The following IPCEF1 variants were observed in gnomAD, a reference collection of about 807,000 sequenced individuals.
The protein encoded by IPCEF1 is interactor protein for cytohesin exchange factors 1.
Under a neutral mutation model 50.9 loss-of-function variants are expected in IPCEF1, and 31 were observed. The observed-to-expected ratio is 0.61, with a 90% CI of 0.46 to 0.82. IPCEF1 has a LOEUF of 0.82. Among genes scored for constraint, IPCEF1 ranks in the 40% least tolerant of loss-of-function variants. The pLI is 0.00. For synonymous variants in IPCEF1, 181 were observed against 192.0 expected, an observed-to-expected ratio of 0.94 and a Z score of 0.47; for missense variants, 458 against 514.0, an observed-to-expected ratio of 0.89 and a Z score of 1.05.
intron 2 of IPCEF1, among the ~76,000 whole-genome samples, chr6:154,273,730 T>TTTC (rs1562575024): frequency 1.7e-4 from 7 of 42,274 alleles, no homozygotes; most frequent in African/African-American, 7.6e-4. Flanking sequence ...CTTTCTTTTT[T>TTTC]TTTTTTTTTT....
intron 1 of IPCEF1, among the ~76,000 whole-genome samples, chr6:154,300,972 T>C (rs1456964218): frequency 6.6e-6 from 1 of 152,196 alleles, no homozygotes; most frequent in Non-Finnish European, 1.5e-5. Context: ...TAGACTTAGC[T>C]CCACATTTAA....
intron 7 of IPCEF1, among the ~76,000 whole-genome samples, chr6:154,214,679 AT>A (rs1321994871): frequency 1.3e-5 from 2 of 152,218 alleles, no homozygotes; most frequent in African/African-American, 4.8e-5. Flanking sequence ...ATGTCAGTTT[AT>A]TTTAGAAAAA....
At chr6:154,321,597 G>A (rs1783377000) in intron 1 of IPCEF1, among the ~76,000 whole-genome samples, 1 of 151,786 alleles carries the variant, frequency 6.6e-6, no homozygotes, top group Non-Finnish European at 1.5e-5. Context: ...GGCCAAAATG[G>A]TGAAACCCCA....
intron 1 of IPCEF1, among the ~76,000 whole-genome samples, chr6:154,309,932 T>A (rs1027823171): frequency 2.6e-5 from 4 of 151,998 alleles, no homozygotes; most frequent in African/African-American, 9.7e-5. Flanking sequence ...CCTGGCTAAT[T>A]TTTGTATTTT....
At chr6:154,199,187 C>T (rs1365709761) in intron 10 of IPCEF1, among the ~76,000 whole-genome samples, 1 of 152,146 alleles carries the variant, frequency 6.6e-6, no homozygotes, top group East Asian at 1.9e-4. Flanking sequence ...TGTCTGTCTT[C>T]CCATCAACCA....
At chr6:154,206,076 T>A (rs1777469956) in intron 9 of IPCEF1, among the ~76,000 whole-genome samples, 1 of 152,160 alleles carries the variant, frequency 6.6e-6, no homozygotes, top group Non-Finnish European at 1.5e-5. Flanking sequence ...CACCCCCATA[T>A]TGGTAACAGT....
At chr6:154,329,214 C>T (rs551236861) in intron 1 of IPCEF1, among the ~76,000 whole-genome samples, 1 of 151,992 alleles carries the variant, frequency 6.6e-6, no homozygotes, top group Non-Finnish European at 1.5e-5. Context: ...GAGTTTGAAA[C>T]CTGCTTGGGC....
chr6:154,251,351 A>G (rs1477871862), intron 3 of IPCEF1, among the ~76,000 whole-genome samples: 17 of 152,196 alleles, frequency 1.1e-4, no homozygotes, highest in Admixed American at 1.1e-3. Context: ...GGAGCTCAAA[A>G]CTGGCCTGGA....
intron 1 of IPCEF1, among the ~76,000 whole-genome samples, chr6:154,347,193 A>G (rs1784046969): frequency 6.6e-6 from 1 of 152,240 alleles, no homozygotes; most frequent in Admixed American, 6.5e-5. Flanking sequence ...AAGCAACCTT[A>G]TCCAAAAATA....
chr6:154,206,228 T>C (rs1275736302), intron 9 of IPCEF1, among the ~76,000 whole-genome samples: 1 of 152,254 alleles, frequency 6.6e-6, no homozygotes, highest in Admixed American at 6.5e-5. Context: ...GATAGCTATG[T>C]GTATTTCTCT....
chr6:154,296,379 G>A (rs542243618), intron 1 of IPCEF1, among the ~76,000 whole-genome samples: 7 of 152,076 alleles, frequency 4.6e-5, no homozygotes, highest in East Asian at 1.9e-4. Context: ...AGAGGCCAGC[G>A]CCACATCTTT....
chr6:154,243,093 C>A (rs755572386), intron 5 of IPCEF1, among the ~76,000 whole-genome samples: 1 of 152,038 alleles, frequency 6.6e-6, no homozygotes, highest in African/African-American at 2.4e-5. Context: ...ACAGCATATG[C>A]GAAGGCTTAG....
chr6:154,174,075 C>T (rs1482214639), intron 10 of IPCEF1, among the ~76,000 whole-genome samples: 1 of 152,114 alleles, frequency 6.6e-6, no homozygotes, highest in Non-Finnish European at 1.5e-5. Flanking sequence ...CCAAACTAAG[C>T]TTCATAAGTG....
At position 154,225,835 on chromosome 6, in the gene IPCEF1, A is replaced by G. The variant is rs1445936391; in HGVS notation, c.247-2592T>C. Among the ~76,000 whole-genome samples the G allele has an allele frequency of 1.4e-4, 22 of 152,222 alleles. 1 individual carries two copies. Among genetic ancestry groups the G allele is most frequent in the Admixed American group, 1.4e-3 (22 of 15,276 alleles). Reference sequence around the variant, plus strand: ...AATTGAAACATCACTTAGACTCAGCATTTGTTTCTACTTCCTCCTCCCATT... The same window carrying G: ...AATTGAAACATCACTTAGACTCAGCGTTTGTTTCTACTTCCTCCTCCCATT... On this transcript the variant is annotated intron_variant, in intron 5 of 11. Coordinates refer to ENST00000367220, the MANE Select transcript of IPCEF1 (RefSeq NM_001130700.2).
intron 1 of IPCEF1, among the ~76,000 whole-genome samples, chr6:154,303,867 G>A (rs1307307732): frequency 6.6e-6 from 1 of 152,190 alleles, no homozygotes; most frequent in East Asian, 1.9e-4. Context: ...GCTGCAGTGA[G>A]TCATGATTGT....
chr6:154,176,063 G>T (rs1001198021), intron 10 of IPCEF1, among the ~76,000 whole-genome samples: 6 of 152,084 alleles, frequency 3.9e-5, no homozygotes, highest in African/African-American at 1.4e-4. Context: ...CAGAACCAAT[G>T]ATAAAAACCA....
In IPCEF1 at chr6:154,223,217, G is replaced by A; in HGVS notation, c.273C>T (p.Asn91=). ...CTCTTTCCACAGTGAAATCAGGCAG[G>A]TTGACAAATCCATCAGCTTTCTCTG... ...QMAEKADGFV[N]LPDFTVERAS... is the part of the protein sequence containing the mutation. Residue 91 remains asparagine (N), a synonymous_variant, in exon 6 of 12, where the codon AAC becomes AAT. Coordinates refer to ENST00000367220, the MANE Select transcript of IPCEF1 (RefSeq NM_001130700.2). 3 of 1,613,568 alleles carry A rather than the reference G, an allele frequency of 1.9e-6. No homozygotes were observed. Among genetic ancestry groups the A allele is most frequent in the Non-Finnish European group, 2.5e-6 (3 of 1,179,902 alleles).
intron 1 of IPCEF1, among the ~76,000 whole-genome samples, chr6:154,355,752 G>A (rs1271693713): frequency 6.6e-6 from 1 of 151,840 alleles, no homozygotes; most frequent in African/African-American, 2.4e-5. Flanking sequence ...GGCTCCCAAA[G>A]TGCTGGGATT....
intron 4 of IPCEF1, 165 bp downstream of exon 4, chr6:154,247,283 CA>C: frequency 3.4e-6 from 2 of 588,758 alleles, no homozygotes; most frequent in Non-Finnish European, 6.1e-6. Flanking sequence ...AACATGTCGT[CA>C]TTTCTTAAAA....
Sources: gnomAD v4.1 joint callset for allele counts (sites outside exome capture counted in the v4.1 genomes callset) on GRCh38, gnomAD v4.1.1 for gene constraint, MANE v1.5 for transcripts, NCBI Gene and HGNC (gene_info 2026-07-23, HGNC 2026-07-21) for gene names.